ZDHHC2: variants seen among roughly 807,000 people sequenced by gnomAD.
ZDHHC2 encodes zDHHC palmitoyltransferase 2, also known as palmitoyltransferase ZDHHC2.
A neutral mutation model predicts 55.6 loss-of-function variants in ZDHHC2; 51 were observed. The ratio of observed to expected loss-of-function variants is 0.92; its 90% CI spans 0.73 to 1.16. ZDHHC2 has a LOEUF of 1.16. Among genes scored for constraint, ZDHHC2 ranks in the 50% most tolerant of loss-of-function variants. The pLI, the probability that ZDHHC2 is intolerant of heterozygous loss-of-function variation, is 0.00. For missense variants in ZDHHC2, 491 were observed against 442.4 expected (o/e 1.11, Z -0.99); for synonymous variants, 199 against 152.9 (o/e 1.30, Z -2.22).
At chr8:17,193,788 C>CT (rs1157204658) in intron 3 of ZDHHC2, among the ~76,000 whole-genome samples, 1 of 151,982 alleles carries the variant, frequency 6.6e-6, no homozygotes, top group Non-Finnish European at 1.5e-5. Context: ...TTTTATTATA[C>CT]TTTAAGTTCT....
At chr8:17,161,630 G>T (rs186238729) in intron 1 of ZDHHC2, among the ~76,000 whole-genome samples, 1 of 152,294 alleles carries the variant, frequency 6.6e-6, no homozygotes, top group East Asian at 1.9e-4. Context: ...GGCCAAGGTG[G>T]GAGGATCACT....
At chr8:17,158,323 A>AT (rs1441560097) in intron 1 of ZDHHC2, among the ~76,000 whole-genome samples, 1 of 152,188 alleles carries the variant, frequency 6.6e-6, no homozygotes, top group Non-Finnish European at 1.5e-5. Context: ...TCGTCCTCTT[A>AT]AAAACAGTGA....
rs1808046077 is a variant in ZDHHC2, at chr8:17,224,542, T to G, written c.*4321T>G. 1 of 151,722 alleles carries G rather than the reference T, an allele frequency of 6.6e-6. No homozygotes were observed. The highest frequency in any genetic ancestry group is 2.4e-5 in the African/African-American group (1 of 41,406). The allele number at this position is 151,722 out of a possible 1,614,324, so 9.4% of individuals were successfully genotyped here. On this transcript the variant is annotated 3_prime_UTR_variant, in exon 13 of 13. Coordinates refer to ENST00000262096, the MANE Select transcript of ZDHHC2 (RefSeq NM_016353.5). ...CAAGGAGCTGAATCCTACCTGAAATTATTAATGCTTAATATATTGCTTCTG... is the reference window on the plus strand; with the variant it reads ...CAAGGAGCTGAATCCTACCTGAAATGATTAATGCTTAATATATTGCTTCTG...
intron 3 of ZDHHC2, among the ~76,000 whole-genome samples, chr8:17,188,133 C>T (rs1805814948): frequency 6.6e-6 from 1 of 152,180 alleles, no homozygotes; most frequent in South Asian, 2.1e-4. Context: ...TAGTTGTGTG[C>T]CTAATGGCCT....
intron 6 of ZDHHC2, among the ~76,000 whole-genome samples, chr8:17,199,465 A>ACTTCTTCTTCTTCTTCTTCTTCTTCTT (rs377014817): frequency 2.0e-5 from 2 of 98,558 alleles, no homozygotes; most frequent in South Asian, 7.5e-4. Context: ...CTTTAATAAG[A>ACTTCTTCTTCTTCTTCTTCTTCTTCTT]CTTCTTCTTC....
At chr8:17,199,762 CTTTTTTT>C (rs36175869) in intron 6 of ZDHHC2, among the ~76,000 whole-genome samples, 58 of 129,036 alleles carry the variant, frequency 4.5e-4, no homozygotes, top group African/African-American at 1.6e-3. Context: ...CTTTCTTCTT[CTTTTTTT>C]TTTTTTTTGA....
intron 10 of ZDHHC2, 62 bp from the exon 11 acceptor site, chr8:17,215,175 A>G: frequency 4.1e-6 from 6 of 1,458,630 alleles, no homozygotes; most frequent in Admixed American, 2.1e-5. Context: ...TTGAGAAACA[A>G]TCAACTTTAC....
At chr8:17,173,789 T>G (rs774918195) in intron 1 of ZDHHC2, among the ~76,000 whole-genome samples, 5 of 152,136 alleles carry the variant, frequency 3.3e-5, no homozygotes, top group Admixed American at 6.5e-5. Flanking sequence ...TGGAGGATGC[T>G]GCAAGCTATA....
intron 5 of ZDHHC2, 145 bp from the exon 6 acceptor site, chr8:17,198,236 A>G (rs1247229668): frequency 9.3e-6 from 6 of 645,112 alleles, no homozygotes; most frequent in African/African-American, 3.9e-5. Flanking sequence ...AACTTCTGCT[A>G]TTATCCAATT....
intron 1 of ZDHHC2, among the ~76,000 whole-genome samples, chr8:17,175,791 G>A (rs533983509): frequency 1.3e-5 from 2 of 152,302 alleles, no homozygotes; most frequent in South Asian, 2.1e-4. Context: ...GCTAAGAGAC[G>A]AATAATGTAT....
intron 12 of ZDHHC2, among the ~76,000 whole-genome samples, chr8:17,218,882 T>G (rs1807771786): frequency 6.6e-6 from 1 of 152,154 alleles, no homozygotes; most frequent in Admixed American, 6.6e-5. Flanking sequence ...GCTTTACATC[T>G]CAGATTTGCA....
At chr8:17,218,133 AT>A (rs1807732211) in intron 12 of ZDHHC2, among the ~76,000 whole-genome samples, 1 of 152,220 alleles carries the variant, frequency 6.6e-6, no homozygotes, top group Non-Finnish European at 1.5e-5. Flanking sequence ...GCTGACTAGT[AT>A]CTGATTTTGG....
chr8:17,198,122 T>G (rs1404075485), intron 5 of ZDHHC2, among the ~76,000 whole-genome samples: 1 of 152,174 alleles, frequency 6.6e-6, no homozygotes, highest in African/African-American at 2.4e-5. Context: ...ATTAATACAT[T>G]ATATTGTTTT....
chr8:17,199,509 T>TTGTTCTTCGTCTTCG (rs1554466019), intron 6 of ZDHHC2, among the ~76,000 whole-genome samples: 12 of 121,116 alleles, frequency 9.9e-5, no homozygotes, highest in Admixed American at 3.2e-4. Context: ...CTTCTTCTTC[T>TTGTTCTTCGTCTTCG]TCTTCGTCTT....
At chr8:17,206,988 T>C (rs991079799) in intron 7 of ZDHHC2, among the ~76,000 whole-genome samples, 1 of 152,190 alleles carries the variant, frequency 6.6e-6, no homozygotes, top group African/African-American at 2.4e-5. Flanking sequence ...GTGTCCAGCT[T>C]GAAAAATGAA....
chr8:17,208,283 CT>C (rs1807204075), intron 8 of ZDHHC2, among the ~76,000 whole-genome samples, 191 bp downstream of exon 8: 2 of 149,058 alleles, frequency 1.3e-5, no homozygotes, highest in African/African-American at 5.0e-5. Flanking sequence ...TATTGATTGT[CT>C]CATATATATG....
intron 1 of ZDHHC2, among the ~76,000 whole-genome samples, chr8:17,171,820 C>T (rs544993783): frequency 6.6e-6 from 1 of 151,380 alleles, no homozygotes; most frequent in Admixed American, 6.6e-5. Context: ...AATGCCCAAC[C>T]TTGTTTTTAC....
At chr8:17,199,591 T>TCTC in intron 6 of ZDHHC2, among the ~76,000 whole-genome samples, 1 of 46,814 alleles carries the variant, frequency 2.1e-5, no homozygotes, top group East Asian at 3.2e-4. Context: ...TCTTCTTCTT[T>TCTC]CTTCTTCTTT....
At chr8:17,201,009 T>C (rs187703681) in intron 6 of ZDHHC2, among the ~76,000 whole-genome samples, 1 of 152,388 alleles carries the variant, frequency 6.6e-6, no homozygotes, top group East Asian at 1.9e-4. Flanking sequence ...GCCAAGGGTC[T>C]GTTACTCACT....
Sources: allele counts gnomAD v4.1 joint callset (sites outside exome capture counted in the v4.1 genomes callset), GRCh38; gene constraint gnomAD v4.1.1; transcripts MANE v1.5; gene names NCBI Gene and HGNC (gene_info 2026-07-23, HGNC 2026-07-21).